Variants in DPP10 observed in about 807,000 individuals in gnomAD.
DPP10 encodes inactive dipeptidyl peptidase 10.
DPP10 carries 33 observed loss-of-function variants against 120.9 expected under a neutral mutation model. The ratio of observed to expected loss-of-function variants is 0.27; its 90% CI spans 0.21 to 0.37. The LOEUF is 0.37. DPP10 is among the 10% of genes least tolerant of loss of function. The pLI, the probability that DPP10 is intolerant of heterozygous loss-of-function variation, is 1.00. For missense variants in DPP10, 816 were observed against 942.8 expected, an observed-to-expected ratio of 0.87 and a Z score of 1.76; for synonymous variants, 337 against 326.1, an observed-to-expected ratio of 1.03 and a Z score of -0.36.
chr2:114,648,103 GT>G (rs1202069157), intron 1 of DPP10, among the ~76,000 whole-genome samples: 1 of 152,064 alleles, frequency 6.6e-6, no homozygotes, highest in Admixed American at 6.5e-5. Flanking sequence ...GGATTTCTTG[GT>G]TTTGGCAAAA....
intron 1 of DPP10, among the ~76,000 whole-genome samples, chr2:115,288,124 A>G (rs1460343943): frequency 6.6e-6 from 1 of 152,126 alleles, no homozygotes; most frequent in Non-Finnish European, 1.5e-5. Context: ...TCACTAACTT[A>G]TATTTCCACC....
At chr2:115,268,172 T>C (rs1185810122) in intron 1 of DPP10, among the ~76,000 whole-genome samples, 1 of 152,226 alleles carries the variant, frequency 6.6e-6, no homozygotes, top group Non-Finnish European at 1.5e-5. Flanking sequence ...GTTCCAGTTA[T>C]GTGACAGACT....
intron 1 of DPP10, among the ~76,000 whole-genome samples, chr2:114,817,494 C>T (rs1168995895): frequency 3.9e-5 from 6 of 152,134 alleles, no homozygotes; most frequent in Admixed American, 6.5e-5. Flanking sequence ...AATGATATTA[C>T]CAGAGTCCAG....
chr2:115,489,822 G>A (rs1450124834), intron 3 of DPP10, among the ~76,000 whole-genome samples: 1 of 151,954 alleles, frequency 6.6e-6, no homozygotes, highest in Non-Finnish European at 1.5e-5. Flanking sequence ...CCTTTCCCAA[G>A]CCTTTCCCAG....
At chr2:115,594,614 C>A (rs986909532) in intron 5 of DPP10, among the ~76,000 whole-genome samples, 1 of 152,136 alleles carries the variant, frequency 6.6e-6, no homozygotes, top group Non-Finnish European at 1.5e-5. Flanking sequence ...TCCAATGGCA[C>A]AATCTCCAAA....
chr2:114,509,558 C>A (rs1207886131), intron 1 of DPP10, among the ~76,000 whole-genome samples: 1 of 152,174 alleles, frequency 6.6e-6, no homozygotes, highest in Admixed American at 6.5e-5. Context: ...CCATGCTGGA[C>A]CCTGGGTGTG....
At chr2:115,188,046 GGAGAGAGAGAGGCAAAGAGAGAGAGA>G (rs2054584813) in intron 1 of DPP10, among the ~76,000 whole-genome samples, 2 of 137,812 alleles carry the variant, frequency 1.5e-5, no homozygotes, top group Admixed American at 7.5e-5. Context: ...AGAGAGAGAG[GGAGAGAGAGAGGCAAAGAGAGAGAGA>G]GAGAGAGAGA....
At chr2:115,270,665 G>A (rs2059661339) in intron 1 of DPP10, among the ~76,000 whole-genome samples, 1 of 152,062 alleles carries the variant, frequency 6.6e-6, no homozygotes. Context: ...GTGAGGGCAG[G>A]GACCTATGTC....
intron 1 of DPP10, among the ~76,000 whole-genome samples, chr2:114,599,781 A>G (rs1236488094): frequency 1.3e-5 from 2 of 151,730 alleles, no homozygotes. Flanking sequence ...TTGTTTTCCC[A>G]ATAAACTTTA....
At chr2:115,201,180 C>T (rs1016141290) in intron 1 of DPP10, among the ~76,000 whole-genome samples, 24 of 152,102 alleles carry the variant, frequency 1.6e-4, no homozygotes, top group Admixed American at 5.2e-4. Flanking sequence ...AACACAGAAC[C>T]GGCCGGGTGC....
rs762842408 is a variant in DPP10, at chr2:115,836,147, TC to T, written c.1951-3del. The T allele has an allele frequency of 3.4e-6, 5 of 1,456,614 alleles. No individual in the cohort carries two copies. Among genetic ancestry groups the T allele is most frequent in the Non-Finnish European group, 3.7e-6 (4 of 1,081,478 alleles). 90.2% of individuals were successfully genotyped at this position (1,456,614 alleles called of 1,614,324 possible). A position where few individuals can be genotyped will look rare whatever the true frequency, so the allele number is the denominator to read the frequency against. On this transcript the variant is annotated splice_polypyrimidine_tract_variant and intron_variant, in intron 21 of 25. Transcript: ENST00000410059. Reference sequence around the variant, plus strand: ...ATATATATATATATATATATATTTTTCCCCCCCAGGGTTATGGTGGCTATAT... The same window carrying T: ...ATATATATATATATATATATATTTTTCCCCCCAGGGTTATGGTGGCTATAT...
chr2:115,259,530 A>G (rs1169459683), intron 1 of DPP10, among the ~76,000 whole-genome samples: 1 of 151,952 alleles, frequency 6.6e-6, no homozygotes, highest in African/African-American at 2.4e-5. Flanking sequence ...AACACACTTC[A>G]TTTATTTGTA....
chr2:115,801,911 C>T (rs894835074), intron 19 of DPP10, among the ~76,000 whole-genome samples: 1 of 152,140 alleles, frequency 6.6e-6, no homozygotes, highest in African/African-American at 2.4e-5. Flanking sequence ...TGTAGTGTCT[C>T]TGCTCGGCTT....
intron 5 of DPP10, among the ~76,000 whole-genome samples, chr2:115,594,894 C>G (rs546153411): frequency 2.6e-5 from 4 of 152,092 alleles, no homozygotes; most frequent in African/African-American, 9.6e-5. Flanking sequence ...TTATAGAAAT[C>G]CCATACTATT....
At chr2:114,891,372 A>G (rs762933277) in intron 1 of DPP10, among the ~76,000 whole-genome samples, 2 of 152,240 alleles carry the variant, frequency 1.3e-5, no homozygotes, top group African/African-American at 2.4e-5. Flanking sequence ...CTAATTGGAA[A>G]GATAATTCTG....
chr2:115,731,621 ATG>A (rs2092912357), intron 8 of DPP10, among the ~76,000 whole-genome samples: 1 of 152,160 alleles, frequency 6.6e-6, no homozygotes, highest in Admixed American at 6.5e-5. Flanking sequence ...CAACATTTGA[ATG>A]TGTGTCTTTT....
intron 21 of DPP10, among the ~76,000 whole-genome samples, chr2:115,826,826 CTATT>C (rs1275819350): frequency 2.6e-5 from 4 of 151,930 alleles, no homozygotes; most frequent in Non-Finnish European, 4.4e-5. Context: ...TTCTTTTTAT[CTATT>C]TGTGTATTTA....
chr2:115,544,340 A>G (rs1441871017), intron 5 of DPP10, among the ~76,000 whole-genome samples: 1 of 152,062 alleles, frequency 6.6e-6, no homozygotes, highest in South Asian at 2.1e-4. Context: ...ATATGTGTCC[A>G]TGATTGACAG....
At chr2:115,151,654 G>A (rs1007105914) in intron 1 of DPP10, among the ~76,000 whole-genome samples, 2 of 151,250 alleles carry the variant, frequency 1.3e-5, no homozygotes, top group African/African-American at 2.4e-5. Flanking sequence ...TGATCCACCC[G>A]CCTCGGCTTC....
Sources: allele counts gnomAD v4.1 joint callset (sites outside exome capture counted in the v4.1 genomes callset), GRCh38; gene constraint gnomAD v4.1.1; transcripts MANE v1.5; gene names NCBI Gene and HGNC (gene_info 2026-07-23, HGNC 2026-07-21).